The following THSD4 variants were observed in gnomAD, a reference collection of about 807,000 sequenced individuals.
The protein encoded by THSD4 is thrombospondin type-1 domain-containing protein 4.
A neutral mutation model predicts 119.0 loss-of-function variants in THSD4; 69 were observed. The observed-to-expected ratio is 0.58, with a 90% confidence interval of 0.48 to 0.71. The LOEUF (loss-of-function observed/expected upper bound fraction) is 0.71, where lower values mean the gene tolerates loss of function less well. Ranked by LOEUF, THSD4 falls within the 30% of genes least tolerant of loss-of-function variation. The pLI, the probability that THSD4 is intolerant of heterozygous loss-of-function variation, is 0.00. For missense variants in THSD4, 1,393 were observed against 1,391.1 expected, an observed-to-expected ratio of 1.00 and a Z score of -0.02; for synonymous variants, 524 against 540.4, an observed-to-expected ratio of 0.97 and a Z score of 0.42.
intron 7 of THSD4, among the ~76,000 whole-genome samples, chr15:71,574,732 C>T (rs1484623535): frequency 6.6e-6 from 1 of 152,068 alleles, no homozygotes; most frequent in African/African-American, 2.4e-5. Context: ...AACATGAGGT[C>T]TTATATCTCA....
Position 71,226,454 on chromosome 15 carries a change from A to G in THSD4, c.464+11055A>G, listed in dbSNP as rs568165053. Among the ~76,000 whole-genome samples, 7 of 152,342 alleles carry G rather than the reference A, an allele frequency of 4.6e-5. No homozygotes were observed. In the South Asian group the frequency reaches 1.5e-3, roughly 32 times the overall value. The stretch of plus-strand genomic sequence containing the variant: ...ATTTTGAAACAGGACAGCCTGGATC[A>G]GGCCTGGATCACAAGTTTTACCCAC... On this transcript the variant is annotated intron_variant, in intron 4 of 17. Transcript: ENST00000261862.
chr15:71,596,846 G>A (rs748930404), intron 7 of THSD4, among the ~76,000 whole-genome samples: 5 of 152,146 alleles, frequency 3.3e-5, no homozygotes, highest in Admixed American at 6.5e-5. Context: ...ATGGTTTGTC[G>A]GGCCCCTAGG....
chr15:71,164,758 G>T (rs1256842291), intron 3 of THSD4: 6 of 1,590,592 alleles, frequency 3.8e-6, no homozygotes, highest in South Asian at 1.2e-5. Flanking sequence ...AAAAAACTGC[G>T]CTAGAACCAA....
chr15:71,473,056 CTT>C lies in THSD4; in HGVS notation c.1152+61250_1152+61251del, dbSNP rs35085059. Among the ~76,000 whole-genome samples, 322 of 129,256 alleles carry C rather than the reference CTT, an allele frequency of 2.5e-3. 1 individual carries two copies. Among genetic ancestry groups the C allele is most frequent in the Middle Eastern group, 0.02 (5 of 254 alleles). 84.8% of individuals were successfully genotyped at this position (129,256 alleles called of 152,430 possible). On this transcript the variant is annotated intron_variant, in intron 7 of 17. Transcript: ENST00000261862. ...TTTTTGACTGTATTACTGTATTTGG[CTT>C]TTTTTTTTTTTTTTTTGAGACAAAG...
chr15:71,350,617 ACT>A (rs1338688933), intron 6 of THSD4, among the ~76,000 whole-genome samples: 2 of 151,788 alleles, frequency 1.3e-5, no homozygotes, highest in African/African-American at 4.8e-5. Flanking sequence ...CCTTTACAAA[ACT>A]CTGAAGTTTA....
chr15:71,114,306 C>A (rs2040333110), upstream of THSD4, among the ~76,000 whole-genome samples: 1 of 152,000 alleles, frequency 6.6e-6, no homozygotes, highest in Admixed American at 6.6e-5. Context: ...CCTGGTGCTG[C>A]CTGGCTCTGG....
At chr15:71,142,869 T>C (rs2040618708) in intron 2 of THSD4, among the ~76,000 whole-genome samples, 1 of 152,214 alleles carries the variant, frequency 6.6e-6, no homozygotes, top group Non-Finnish European at 1.5e-5. Flanking sequence ...CTAGAACTTA[T>C]AACAGAAAGT....
chr15:71,277,199 C>T (rs920061534), intron 6 of THSD4, among the ~76,000 whole-genome samples: 7 of 142,682 alleles, frequency 4.9e-5, no homozygotes, highest in Non-Finnish European at 1.0e-4. Flanking sequence ...ATTCTGGGCT[C>T]ACTGCAACCT....
chr15:71,132,196 C>A (rs796616998), intron 1 of THSD4, among the ~76,000 whole-genome samples: 1 of 152,112 alleles, frequency 6.6e-6, no homozygotes, highest in East Asian at 1.9e-4. Flanking sequence ...TTAGTCATAC[C>A]TTTTGGCTTA....
At chr15:71,503,893 A>G (rs1032946588) in intron 7 of THSD4, among the ~76,000 whole-genome samples, 1 of 152,172 alleles carries the variant, frequency 6.6e-6, no homozygotes, top group Non-Finnish European at 1.5e-5. Context: ...AATCATACAC[A>G]AAACAGGAAA....
At chr15:71,470,652 G>A (rs911091477) in intron 7 of THSD4, among the ~76,000 whole-genome samples, 10 of 148,860 alleles carry the variant, frequency 6.7e-5, no homozygotes, top group African/African-American at 2.0e-4. Flanking sequence ...TTTTTGAGAC[G>A]GAGTCTCGCT....
At chr15:71,686,684 G>A (rs77242161) in intron 8 of THSD4, among the ~76,000 whole-genome samples, 214 of 152,322 alleles carry the variant, frequency 1.4e-3, no homozygotes, top group African/African-American at 5.1e-3. Flanking sequence ...AGTGATGGAG[G>A]ACATGGTGCA....
intron 7 of THSD4, among the ~76,000 whole-genome samples, chr15:71,428,868 C>T (rs2046907526): frequency 6.6e-6 from 1 of 152,124 alleles, no homozygotes; most frequent in Non-Finnish European, 1.5e-5. Flanking sequence ...TTGACACATA[C>T]AGGAGCGTTT....
At chr15:71,470,692 G>A (rs2047565200) in intron 7 of THSD4, among the ~76,000 whole-genome samples, 1 of 151,452 alleles carries the variant, frequency 6.6e-6, no homozygotes. Flanking sequence ...GCGGACTGCA[G>A]TGGCGCAATC....
chr15:71,215,082 C>A lies in THSD4; in HGVS notation c.147C>A (p.Gly49=). 7.7e-7 allele frequency: 1 copy of A among 1,303,024 alleles called. No individual in the cohort carries two copies. The highest frequency in any genetic ancestry group is 9.8e-7 in the Non-Finnish European group (1 of 1,024,760). The allele number at this position is 1,303,024 out of a possible 1,614,324, so 80.7% of individuals were successfully genotyped here. ...AAEGAPEDDG[G]GGAPGVWGAW... ...AGGGCGCCCCCGAGGACGACGGCGG[C>A]GGCGGCGCCCCGGGAGTGTGGGGCG... Residue 49 remains glycine (G), a synonymous_variant, in exon 4 of 18, where the codon GGC becomes GGA. Transcript: ENST00000261862.
intron 8 of THSD4, among the ~76,000 whole-genome samples, chr15:71,683,741 G>A (rs568220056): frequency 3.3e-5 from 5 of 152,278 alleles, no homozygotes; most frequent in South Asian, 2.1e-4. Context: ...TTGGGAGGCC[G>A]AGCCGAACGG....
At chr15:71,103,655 A>T (rs2040262417) in intron 1 of THSD4, among the ~76,000 whole-genome samples, 1 of 152,088 alleles carries the variant, frequency 6.6e-6, no homozygotes, top group Non-Finnish European at 1.5e-5. Context: ...CTCCAGTCAA[A>T]CAGAATAATT....
chr15:71,496,977 G>T (rs983836557), intron 7 of THSD4, among the ~76,000 whole-genome samples: 1 of 152,184 alleles, frequency 6.6e-6, no homozygotes, highest in African/African-American at 2.4e-5. Flanking sequence ...ACCAGCCAGA[G>T]AGAAGGAAAT....
At chr15:71,129,603 G>A (rs1356318561) in intron 1 of THSD4, among the ~76,000 whole-genome samples, 1 of 152,148 alleles carries the variant, frequency 6.6e-6, no homozygotes, top group African/African-American at 2.4e-5. Context: ...TCTAATTTAT[G>A]TGATGACTGA....
Sources: gnomAD v4.1 joint callset for allele counts (sites outside exome capture counted in the v4.1 genomes callset) on GRCh38, gnomAD v4.1.1 for gene constraint, MANE v1.5 for transcripts, NCBI Gene and HGNC (gene_info 2026-07-23, HGNC 2026-07-21) for gene names.